CPNE4: variants seen among roughly 807,000 people sequenced by gnomAD.
The protein encoded by CPNE4 is copine-4.
A neutral mutation model predicts 67.9 loss-of-function variants in CPNE4; 25 were observed. The observed-to-expected ratio is 0.37, with a 90% CI of 0.27 to 0.51. The LOEUF (loss-of-function observed/expected upper bound fraction) is 0.51, where lower values mean the gene tolerates loss of function less well. Ranked by LOEUF, CPNE4 falls within the 20% of genes least tolerant of loss-of-function variation. The pLI is 0.93. For synonymous variants in CPNE4, 242 were observed against 244.9 expected, an observed-to-expected ratio of 0.99 and a Z score of 0.11; for missense variants, 464 against 690.8, an observed-to-expected ratio of 0.67 and a Z score of 3.68.
chr3:131,971,462 A>T (rs2072500327), intron 1 of CPNE4, among the ~76,000 whole-genome samples: 2 of 152,186 alleles, frequency 1.3e-5, no homozygotes, highest in Admixed American at 1.3e-4. Context: ...CGCTTCTCTG[A>T]TTCCCTAAGA....
chr3:131,917,711 T>C (rs978978633), intron 1 of CPNE4, among the ~76,000 whole-genome samples: 5 of 152,142 alleles, frequency 3.3e-5, no homozygotes, highest in African/African-American at 1.2e-4. Flanking sequence ...ACAAGATCTC[T>C]CCACTAGCAC....
At chr3:132,001,549 A>AG (rs60979385) in intron 1 of CPNE4, among the ~76,000 whole-genome samples, 85 of 110,516 alleles carry the variant, frequency 7.7e-4, no homozygotes, top group African/African-American at 2.4e-3. Flanking sequence ...AGACAAAGAA[A>AG]AAAGAGAAAG....
At chr3:131,678,132 G>A (rs1354768155) in intron 6 of CPNE4, among the ~76,000 whole-genome samples, 1 of 151,930 alleles carries the variant, frequency 6.6e-6, no homozygotes, top group African/African-American at 2.4e-5. Flanking sequence ...AGTTCTCTTG[G>A]TAGATCTTTC....
intron 1 of CPNE4, among the ~76,000 whole-genome samples, chr3:132,004,201 T>C (rs1038095807): frequency 6.6e-6 from 1 of 152,104 alleles, no homozygotes; most frequent in African/African-American, 2.4e-5. Flanking sequence ...CTTTAAAAAA[T>C]CCATTCTATA....
At chr3:131,871,344 A>G (rs1027183990) in intron 2 of CPNE4, among the ~76,000 whole-genome samples, 9 of 152,124 alleles carry the variant, frequency 5.9e-5, no homozygotes, top group African/African-American at 2.2e-4. Context: ...GGAAATTGAA[A>G]TAAGATATTC....
intron 2 of CPNE4, among the ~76,000 whole-genome samples, chr3:131,814,245 G>A (rs1420886922): frequency 6.6e-6 from 1 of 152,076 alleles, no homozygotes; most frequent in Non-Finnish European, 1.5e-5. Flanking sequence ...TACATGGACA[G>A]TAGAGCTTGG....
intron 2 of CPNE4, among the ~76,000 whole-genome samples, chr3:131,901,906 G>A (rs2088569760): frequency 1.3e-5 from 2 of 152,062 alleles, no homozygotes; most frequent in Admixed American, 6.6e-5. Context: ...TGTGCTCTCA[G>A]GAGACTATAT....
chr3:131,787,241 T>C (rs574587556), intron 2 of CPNE4, among the ~76,000 whole-genome samples: 6 of 152,274 alleles, frequency 3.9e-5, no homozygotes, highest in South Asian at 2.1e-4. Context: ...ATGTCACAGA[T>C]TGACTTCTGC....
intron 1 of CPNE4, among the ~76,000 whole-genome samples, chr3:131,920,272 A>G (rs2070704133): frequency 1.3e-5 from 2 of 152,172 alleles, no homozygotes; most frequent in Admixed American, 1.3e-4. Context: ...ATGTAGATTT[A>G]TTAACATGAA....
intron 1 of CPNE4, among the ~76,000 whole-genome samples, chr3:131,947,636 T>C (rs2071591930): frequency 6.6e-6 from 1 of 152,216 alleles, no homozygotes; most frequent in Non-Finnish European, 1.5e-5. Context: ...CAGTCTATCA[T>C]TGATGGGCAT....
intron 2 of CPNE4, among the ~76,000 whole-genome samples, chr3:131,790,935 A>C (rs1022996486): frequency 2.0e-5 from 3 of 152,296 alleles, no homozygotes; most frequent in South Asian, 4.1e-4. Flanking sequence ...TGCAGTCTTT[A>C]GTAATCTTTA....
At chr3:131,865,154 G>T (rs1410666856) in intron 2 of CPNE4, among the ~76,000 whole-genome samples, 3 of 152,122 alleles carry the variant, frequency 2.0e-5, no homozygotes, top group Non-Finnish European at 4.4e-5. Flanking sequence ...AGTGATACTG[G>T]TCTAAAATTC....
chr3:131,552,475 G>T lies in CPNE4; in HGVS notation c.1133C>A (p.Ala378Glu). Residue 378 changes from alanine to glutamate, a missense_variant, in exon 13 of 16, where the codon GCA (alanine) becomes GAA (glutamate). Ala to Glu is a moderately radical substitution (Grantham distance 107). Transcript: ENST00000429747. The part of the protein sequence containing the change: ...PPEYTVSHDF[A>E]INFNEDNPEC... ...TGGGTTGTCTTCATTAAAGTTGATT[G>T]CAAAGTCATGAGAGACCTAGACACC... 1 of 1,612,400 alleles carries T rather than the reference G, an allele frequency of 6.2e-7. No homozygotes were observed. Among genetic ancestry groups the T allele is most frequent in the Non-Finnish European group, 8.5e-7 (1 of 1,178,926 alleles).
At chr3:131,947,263 G>A (rs2071579921) in intron 1 of CPNE4, among the ~76,000 whole-genome samples, 1 of 152,104 alleles carries the variant, frequency 6.6e-6, no homozygotes, top group African/African-American at 2.4e-5. Context: ...AACATGTGCA[G>A]AACATGCAGT....
chr3:131,816,869 G>A lies in CPNE4; in HGVS notation c.180+88395C>T, dbSNP rs532089276. ...ATGACCCAAGGTCTATGATTATACC[G>A]TCTTTTTAAAAATCAACTTTATTGG... On this transcript the variant is annotated intron_variant, in intron 2 of 15. Transcript: ENST00000429747. 2.0e-3 allele frequency among the ~76,000 whole-genome samples: 309 copies of A among 152,176 alleles called. 1 individual carries two copies. The highest frequency in any genetic ancestry group is 3.6e-3 in the Non-Finnish European group (245 of 68,016).
intron 3 of CPNE4, among the ~76,000 whole-genome samples, chr3:131,707,691 C>T (rs940072944): frequency 6.6e-6 from 1 of 152,138 alleles, no homozygotes; most frequent in Non-Finnish European, 1.5e-5. Context: ...TGATCAGGCC[C>T]TGAGCTAAAC....
chr3:131,754,519 A>T (rs940899709), intron 2 of CPNE4, among the ~76,000 whole-genome samples: 1 of 152,166 alleles, frequency 6.6e-6, no homozygotes, highest in African/African-American at 2.4e-5. Flanking sequence ...TACCAAATAT[A>T]GATATACTAT....
intron 2 of CPNE4, among the ~76,000 whole-genome samples, chr3:131,898,266 T>G (rs531946041): frequency 6.6e-6 from 1 of 152,198 alleles, no homozygotes; most frequent in East Asian, 1.9e-4. Context: ...AAACTCTTTC[T>G]CCAATCTGTA....
chr3:131,753,805 A>T (rs1014471567), intron 2 of CPNE4, among the ~76,000 whole-genome samples: 2 of 152,100 alleles, frequency 1.3e-5, no homozygotes, highest in Non-Finnish European at 2.9e-5. Flanking sequence ...ACCAAAGATT[A>T]CTCATACATT....
Sources: gnomAD v4.1 joint callset for allele counts (sites outside exome capture counted in the v4.1 genomes callset) on GRCh38, gnomAD v4.1.1 for gene constraint, MANE v1.5 for transcripts, NCBI Gene and HGNC (gene_info 2026-07-23, HGNC 2026-07-21) for gene names.